KCNIP4: variants seen among roughly 807,000 people sequenced by gnomAD.
KCNIP4 encodes Kv channel-interacting protein 4.
A neutral mutation model predicts 34.0 loss-of-function variants in KCNIP4; 12 were observed. The ratio of observed to expected loss-of-function variants is 0.35; its 90% confidence interval spans 0.23 to 0.57. The LOEUF (loss-of-function observed/expected upper bound fraction) is 0.57. Ranked by LOEUF, KCNIP4 falls within the 20% of genes least tolerant of loss-of-function variation. The pLI is 0.83. For synonymous variants in KCNIP4, 124 were observed against 102.2 expected (o/e 1.21, Z -1.29); for missense variants, 238 against 311.7 (o/e 0.76, Z 1.78).
chr4:21,315,983 G>C (rs1713712850), intron 1 of KCNIP4, among the ~76,000 whole-genome samples: 1 of 152,130 alleles, frequency 6.6e-6, no homozygotes, highest in Non-Finnish European at 1.5e-5. Context: ...TCTGTGTTCA[G>C]GTCATGAGAA....
chr4:21,615,186 A>T (rs1468052819), intron 1 of KCNIP4, among the ~76,000 whole-genome samples: 4 of 152,126 alleles, frequency 2.6e-5, no homozygotes, highest in African/African-American at 9.7e-5. Context: ...AAAATAAATC[A>T]AAGGAAAAAA....
chr4:21,700,222 CT>C (rs2109061270), intron 1 of KCNIP4, among the ~76,000 whole-genome samples: 1 of 152,228 alleles, frequency 6.6e-6, no homozygotes, highest in African/African-American at 2.4e-5. Context: ...TGCAGGTTCC[CT>C]TTTCTCTGCA....
intron 1 of KCNIP4, among the ~76,000 whole-genome samples, chr4:21,573,051 A>T (rs1740478453): frequency 6.6e-6 from 1 of 152,106 alleles, no homozygotes; most frequent in African/African-American, 2.4e-5. Context: ...CTTAGGTATT[A>T]GTGTCCATCT....
chr4:21,108,095 T>C (rs1206755499), intron 1 of KCNIP4, among the ~76,000 whole-genome samples: 9 of 151,368 alleles, frequency 5.9e-5, no homozygotes, highest in South Asian at 2.1e-4. Flanking sequence ...TTGCTCTTCT[T>C]GAGGAGTATC....
At chr4:21,354,941 A>C (rs938497790) in intron 1 of KCNIP4, among the ~76,000 whole-genome samples, 5 of 152,186 alleles carry the variant, frequency 3.3e-5, no homozygotes, top group Non-Finnish European at 7.3e-5. Flanking sequence ...AAATCATAAC[A>C]AACTGTCTCT....
chr4:20,859,749 G>A (rs1015158120), intron 2 of KCNIP4, among the ~76,000 whole-genome samples: 1 of 152,096 alleles, frequency 6.6e-6, no homozygotes, highest in Non-Finnish European at 1.5e-5. Flanking sequence ...TTGACTCTAA[G>A]GGCAAATCAT....
At chr4:21,587,869 A>T (rs1741767913) in intron 1 of KCNIP4, among the ~76,000 whole-genome samples, 2 of 152,076 alleles carry the variant, frequency 1.3e-5, no homozygotes, top group South Asian at 4.1e-4. Flanking sequence ...ATGAATACAT[A>T]TAGCCCTGTT....
chr4:21,194,154 C>T (rs1371220146), intron 1 of KCNIP4, among the ~76,000 whole-genome samples: 2 of 152,090 alleles, frequency 1.3e-5, no homozygotes, highest in African/African-American at 4.8e-5. Context: ...GTCTTCCTTA[C>T]TTTAAATGTT....
At position 21,201,867 on chromosome 4, in the gene KCNIP4, T is replaced by C. The variant is rs530029098; in HGVS notation, c.62-319158A>G. ...CCTTCACACAATAAATAACTACCTT[T>C]ATAAAATACCTAATGTGTGTGAAGT... On this transcript the variant is annotated intron_variant, in intron 1 of 8. Transcript: ENST00000382152. Among the ~76,000 whole-genome samples, 3 of 152,372 alleles carry C rather than the reference T, an allele frequency of 2.0e-5. No homozygotes were observed. In the South Asian group the frequency reaches 6.2e-4, roughly 32 times the overall value.
intron 1 of KCNIP4, among the ~76,000 whole-genome samples, chr4:20,883,396 C>T (rs749680985): frequency 2.6e-5 from 4 of 152,072 alleles, no homozygotes; most frequent in East Asian, 1.9e-4. Context: ...CAGGAATAGA[C>T]GGAGCAGTAT....
intron 1 of KCNIP4, among the ~76,000 whole-genome samples, chr4:21,523,702 T>A (rs925192606): frequency 1.3e-5 from 2 of 151,750 alleles, no homozygotes; most frequent in African/African-American, 4.8e-5. Context: ...CTCATGAGCA[T>A]ATGGGACTAC....
rs144252661 is a variant in KCNIP4 at position 21,753,182 on chromosome 4, G to A, written c.61+195389C>T. Reference sequence around the variant, plus strand: ...AGCAGGGCAGGGTAAAGTGTAGTGAGGCTCCTCATGCATAATCTGCAAAGG... The same window carrying A: ...AGCAGGGCAGGGTAAAGTGTAGTGAAGCTCCTCATGCATAATCTGCAAAGG... On this transcript the variant is annotated intron_variant, in intron 1 of 8. Transcript: ENST00000382152. Among the ~76,000 whole-genome samples, 1,333 of 152,254 alleles carry A rather than the reference G, an allele frequency of 8.8e-3. 19 individuals are homozygous for A. Among genetic ancestry groups the A allele is most frequent in the South Asian group, 0.039 (188 of 4,820 alleles).
rs536993101 is a variant in KCNIP4 at position 21,061,474 on chromosome 4, A to C, written c.62-178765T>G. Among the ~76,000 whole-genome samples, 15 of 152,246 alleles carry C rather than the reference A, an allele frequency of 9.9e-5. No homozygotes were observed. The South Asian group carries it at 2.9e-3, about 29-fold the overall frequency. Reference sequence around the variant, plus strand: ...AAAAGTGCTTAGTTCTGGGTCAGGCAAATTGAAAGCAAGGTGGTGAGCCAG... The same window carrying C: ...AAAAGTGCTTAGTTCTGGGTCAGGCCAATTGAAAGCAAGGTGGTGAGCCAG... On this transcript the variant is annotated intron_variant, in intron 1 of 8. Transcript: ENST00000382152.
At chr4:21,369,910 CT>C (rs34571272) in intron 1 of KCNIP4, among the ~76,000 whole-genome samples, 3,789 of 145,596 alleles carry the variant, frequency 0.026, 327 homozygotes, top group East Asian at 0.22. Flanking sequence ...CAAGCTCTGT[CT>C]CTGCCTCCCG....
chr4:20,806,238 A>G (rs1235899587), intron 3 of KCNIP4, among the ~76,000 whole-genome samples: 1 of 151,606 alleles, frequency 6.6e-6, no homozygotes, highest in African/African-American at 2.4e-5. Flanking sequence ...ATGTCTTCTA[A>G]TTTTGCCTTT....
intron 1 of KCNIP4, among the ~76,000 whole-genome samples, chr4:21,540,048 T>C (rs1577559952): frequency 6.6e-6 from 1 of 150,416 alleles, no homozygotes; most frequent in East Asian, 2.0e-4. Flanking sequence ...CAAGCTCAAA[T>C]AGGAGTGAAC....
intron 1 of KCNIP4, among the ~76,000 whole-genome samples, chr4:21,386,564 A>T (rs1423793652): frequency 6.6e-6 from 1 of 152,180 alleles, no homozygotes; most frequent in African/African-American, 2.4e-5. Flanking sequence ...ATTTCTGAGG[A>T]TTACTATTAG....
intron 1 of KCNIP4, among the ~76,000 whole-genome samples, chr4:21,157,352 TTTTC>T (rs1753216797): frequency 2.0e-5 from 3 of 151,986 alleles, no homozygotes; most frequent in Non-Finnish European, 2.9e-5. Context: ...TCTTTTTTTT[TTTTC>T]TTTCTAACAG....
chr4:21,622,924 G>T (rs915350640), intron 1 of KCNIP4, among the ~76,000 whole-genome samples: 4 of 151,806 alleles, frequency 2.6e-5, no homozygotes, highest in African/African-American at 4.8e-5. Context: ...TAACTGGGAA[G>T]ATTTCAAATA....
Sources: gnomAD v4.1 joint callset for allele counts (sites outside exome capture counted in the v4.1 genomes callset) on GRCh38, gnomAD v4.1.1 for gene constraint, MANE v1.5 for transcripts, NCBI Gene and HGNC (gene_info 2026-07-23, HGNC 2026-07-21) for gene names.